The following GLIS3 variants were observed in gnomAD, a reference collection of about 807,000 sequenced individuals.
The protein encoded by GLIS3 is zinc finger protein GLIS3.
Under a neutral mutation model 78.6 loss-of-function variants are expected in GLIS3, and 53 were observed. The observed-to-expected ratio is 0.67, with a 90% CI of 0.54 to 0.85. GLIS3 has a LOEUF of 0.85. Ranked by LOEUF, GLIS3 falls within the 40% of genes least tolerant of loss-of-function variation. GLIS3 has a pLI of 0.00. For missense variants in GLIS3, 1,703 were observed against 1,231.1 expected, an observed-to-expected ratio of 1.38 and a Z score of -5.74; for synonymous variants, 684 against 509.9, an observed-to-expected ratio of 1.34 and a Z score of -4.60.
upstream of GLIS3, among the ~76,000 whole-genome samples, chr9:4,351,375 A>G (rs1208117450): frequency 1.3e-5 from 2 of 148,868 alleles, no homozygotes; most frequent in African/African-American, 2.5e-5. Flanking sequence ...ACTGCACTCA[A>G]GCATGGGCAA....
intron 1 of GLIS3, among the ~76,000 whole-genome samples, chr9:4,292,190 C>G (rs1816040832): frequency 6.6e-6 from 1 of 152,126 alleles, no homozygotes; most frequent in Non-Finnish European, 1.5e-5. Flanking sequence ...AACTGGATTG[C>G]AATTCATTGG....
At chr9:4,149,257 T>C (rs1161263891) in intron 2 of GLIS3, among the ~76,000 whole-genome samples, 1 of 152,204 alleles carries the variant, frequency 6.6e-6, no homozygotes, top group African/African-American at 2.4e-5. Context: ...TTAACTCATT[T>C]AGCTCCCACA....
chr9:4,359,358 G>A, the GLIS3 span, among the ~76,000 whole-genome samples: 1 of 152,084 alleles, frequency 6.6e-6, no homozygotes, highest in Non-Finnish European at 1.5e-5. Flanking sequence ...ACTGCTTTTG[G>A]AATCACTGTC....
intron 2 of GLIS3, among the ~76,000 whole-genome samples, chr9:4,252,237 T>C (rs1350863274): frequency 6.6e-6 from 1 of 152,220 alleles, no homozygotes; most frequent in Non-Finnish European, 1.5e-5. Flanking sequence ...CACTTTCAGG[T>C]ACACCAATCA....
In GLIS3 at chr9:4,118,736, G is replaced by C; in HGVS notation, c.742C>G (p.Leu248Val). ...GGAGGAAGGCTAAGGAGATCCCCTA[G>C]ATCAAGGCCATTCTGAGAGCCGTGG... ...SNHGSQNGLD[L>V]GDLLSLPPGT... The change falls in exon 4 of 11, where the codon CTA (leucine) becomes GTA (valine). Residue 248 changes from leucine (L) to valine (V), a missense_variant. Coordinates refer to ENST00000381971, the MANE Select transcript of GLIS3 (RefSeq NM_001042413.2). This position sits in a 1 kb window ranked among gnomAD's most constrained non-coding sequence, Gnocchi z 4.7. The C allele has an allele frequency of 6.2e-7, 1 of 1,614,036 alleles. No homozygotes were observed. The highest frequency in any genetic ancestry group is 8.5e-7 in the Non-Finnish European group (1 of 1,180,036).
the GLIS3 span, among the ~76,000 whole-genome samples, chr9:4,485,083 C>T: frequency 6.6e-6 from 1 of 151,842 alleles, no homozygotes; most frequent in South Asian, 2.1e-4. Context: ...GGAGCCATCT[C>T]GGCTCACTGC....
chr9:3,893,206 G>A (rs1268634803), intron 7 of GLIS3, among the ~76,000 whole-genome samples: 3 of 152,124 alleles, frequency 2.0e-5, no homozygotes, highest in African/African-American at 7.2e-5. Flanking sequence ...CCTCCTCAAT[G>A]AGGTACGGAA....
At chr9:4,475,139 G>A in the GLIS3 span, among the ~76,000 whole-genome samples, 17,271 of 151,866 alleles carry the variant, frequency 0.11, 1,454 homozygotes, top group Non-Finnish European at 0.17. Context: ...GATTACAGGC[G>A]TGAGCCACCG....
chr9:3,944,082 G>A (rs1816122986), intron 4 of GLIS3, among the ~76,000 whole-genome samples: 1 of 152,102 alleles, frequency 6.6e-6, no homozygotes, highest in Non-Finnish European at 1.5e-5. Flanking sequence ...TGGTTTAAAG[G>A]AATATGTTGC....
chr9:4,404,803 A>T, the GLIS3 span, among the ~76,000 whole-genome samples: 1 of 152,170 alleles, frequency 6.6e-6, no homozygotes, highest in African/African-American at 2.4e-5. Flanking sequence ...ATATATCTTA[A>T]AGAACTAGAC....
At chr9:4,031,888 C>T (rs1006617370) in intron 4 of GLIS3, among the ~76,000 whole-genome samples, 6 of 152,134 alleles carry the variant, frequency 3.9e-5, no homozygotes, top group Admixed American at 1.3e-4. Flanking sequence ...TTTTTAAACC[C>T]GCATTTTTTC....
At chr9:4,459,041 T>C in the GLIS3 span, among the ~76,000 whole-genome samples, 1 of 152,080 alleles carries the variant, frequency 6.6e-6, no homozygotes. Flanking sequence ...GGCAAGTCAC[T>C]GGAAAATAAT....
At chr9:4,451,326 C>T in the GLIS3 span, among the ~76,000 whole-genome samples, 2 of 152,180 alleles carry the variant, frequency 1.3e-5, no homozygotes, top group African/African-American at 4.8e-5. Flanking sequence ...AGACCCAATG[C>T]AGGAGCACCC....
intron 3 of GLIS3, among the ~76,000 whole-genome samples, chr9:4,124,716 G>C (rs1025035336): frequency 3.3e-5 from 5 of 152,174 alleles, no homozygotes; most frequent in African/African-American, 1.2e-4. Context: ...AGATACAAGA[G>C]GGGAGAACAG....
the GLIS3 span, among the ~76,000 whole-genome samples, chr9:4,415,553 G>A: frequency 3.3e-5 from 5 of 152,148 alleles, 1 homozygote; most frequent in Middle Eastern, 6.8e-3. Context: ...TCTTGTTCTC[G>A]GCCACTTCTC....
At chr9:4,328,876 G>A (rs557250101) in intron 2 of GLIS3, among the ~76,000 whole-genome samples, 1 of 152,314 alleles carries the variant, frequency 6.6e-6, no homozygotes, top group Admixed American at 6.5e-5. Flanking sequence ...ATTACTATTA[G>A]AAGAGGAGTG....
At chr9:4,325,095 G>T (rs1051580853) in intron 2 of GLIS3, among the ~76,000 whole-genome samples, 2 of 152,134 alleles carry the variant, frequency 1.3e-5, no homozygotes, top group South Asian at 2.1e-4. Flanking sequence ...CACACAGCTG[G>T]TAAGTCCTCA....
the GLIS3 span, among the ~76,000 whole-genome samples, chr9:4,424,814 C>G: frequency 1.3e-5 from 2 of 151,222 alleles, no homozygotes; most frequent in Admixed American, 1.3e-4. Context: ...AAGTGATCTT[C>G]CTTTCAAAGC....
Position 4,125,633 on chromosome 9 carries a change from AGT to A in GLIS3, c.596+99_596+100del, listed in dbSNP as rs71497518. On this transcript the variant is annotated intron_variant, in intron 3 of 10. Transcript: ENST00000381971. ...AGTTGCTTGAGTGTGTAAGTGTATG[AGT>A]GTGTGTGTGTGTGTGTGTGTATTCA... 8.7e-3 allele frequency: 6,396 copies of A among 734,914 alleles called. 3 individuals carry two copies. The highest frequency in any genetic ancestry group is 0.011 in the South Asian group (683 of 64,482). The allele number at this position is 734,914 out of a possible 1,614,324, so 45.5% of individuals were successfully genotyped here.
Sources: allele counts gnomAD v4.1 joint callset (sites outside exome capture counted in the v4.1 genomes callset), GRCh38; gene constraint gnomAD v4.1.1; non-coding constraint Gnocchi (gnomAD v3.1); transcripts MANE v1.5; gene names NCBI Gene and HGNC (gene_info 2026-07-23, HGNC 2026-07-21).